Variants in GALNT18 observed in about 807,000 individuals in gnomAD.
GALNT18 encodes the protein GalNAc-transferase 18.
A neutral mutation model predicts 69.5 loss-of-function variants in GALNT18; 44 were observed. The ratio of observed to expected loss-of-function variants is 0.63; its 90% CI spans 0.50 to 0.81. The LOEUF (loss-of-function observed/expected upper bound fraction) is 0.81, where lower values mean the gene tolerates loss of function less well. GALNT18 is among the 40% of genes least tolerant of loss of function. The pLI, the probability that GALNT18 is intolerant of heterozygous loss-of-function variation, is 0.00. For synonymous variants in GALNT18, 364 were observed against 318.2 expected (o/e 1.14, Z -1.53); for missense variants, 715 against 810.0 (o/e 0.88, Z 1.42).
rs1282390009 is a variant in GALNT18, at chr11:11,540,125, G to C, written c.235+81234C>G. Among the ~76,000 whole-genome samples the C allele has an allele frequency of 1.3e-5, 2 of 152,148 alleles. No homozygotes were observed. The highest frequency in any genetic ancestry group is 4.8e-5 in the African/African-American group (2 of 41,432). ...TCGGTTTCTTTTTCTAAAAACTTAA[G>C]GCATTGGACTGGATTATTCTAAACA... On this transcript the variant is annotated intron_variant, in intron 1 of 10. Transcript: ENST00000227756. The surrounding 1 kb of genome is among the most constrained non-coding windows in gnomAD (Gnocchi z 4.6).
intron 10 of GALNT18, among the ~76,000 whole-genome samples, chr11:11,288,519 A>T (rs1273895250): frequency 6.6e-6 from 1 of 152,174 alleles, no homozygotes; most frequent in Admixed American, 6.5e-5. Context: ...TTGTGTTTAC[A>T]TGCCCATGAG....
chr11:11,398,274 A>G (rs1188747578), intron 3 of GALNT18, among the ~76,000 whole-genome samples: 1 of 152,166 alleles, frequency 6.6e-6, no homozygotes, highest in Non-Finnish European at 1.5e-5. Context: ...TCCTAGGATA[A>G]ACCCATGCTC....
intron 1 of GALNT18, among the ~76,000 whole-genome samples, chr11:11,526,896 C>G (rs939986770): frequency 6.6e-6 from 1 of 152,258 alleles, no homozygotes; most frequent in Admixed American, 6.5e-5. Context: ...GCAATCCAGT[C>G]GAGTCCACGC....
At chr11:11,556,916 C>T (rs933658223) in intron 1 of GALNT18, among the ~76,000 whole-genome samples, 1 of 152,252 alleles carries the variant, frequency 6.6e-6, no homozygotes, top group East Asian at 1.9e-4. Context: ...CTATCTTCAA[C>T]AAATAAATGT....
In GALNT18 at chr11:11,542,603, T is replaced by C. The variant is rs1419345552; in HGVS notation, c.235+78756A>G. 1.3e-5 allele frequency among the ~76,000 whole-genome samples: 2 copies of C among 152,228 alleles called. No homozygotes were observed. Among genetic ancestry groups the C allele is most frequent in the Admixed American group, 6.5e-5 (1 of 15,280 alleles). ...GGAACTAGGTGTCAAAAAGAGAATG[T>C]AGAGTAAAGAGGTCAAGAACATTGA... is the stretch of plus-strand genomic sequence containing the variant. On this transcript the variant is annotated intron_variant, in intron 1 of 10. Transcript: ENST00000227756. This position sits in a 1 kb window ranked among gnomAD's most constrained non-coding sequence, Gnocchi z 4.3.
intron 6 of GALNT18, among the ~76,000 whole-genome samples, chr11:11,350,215 G>C (rs1850374592): frequency 1.3e-5 from 2 of 152,162 alleles, no homozygotes; most frequent in African/African-American, 4.8e-5. Flanking sequence ...AAGTTAGAGG[G>C]GCAACAGTAA....
At chr11:11,516,070 G>A (rs1476331584) in intron 1 of GALNT18, among the ~76,000 whole-genome samples, 1 of 152,218 alleles carries the variant, frequency 6.6e-6, no homozygotes, top group Non-Finnish European at 1.5e-5. Context: ...GAGTGTGACA[G>A]GGACAGCAGT....
rs770219226 is a variant in GALNT18, at chr11:11,538,400, C to CGG, written c.235+82957_235+82958dup. Among the ~76,000 whole-genome samples, 8 of 152,168 alleles carry CGG rather than the reference C, an allele frequency of 5.3e-5. No individual in the cohort carries two copies. Among genetic ancestry groups the CGG allele is most frequent in the Non-Finnish European group, 8.8e-5 (6 of 68,038 alleles). On this transcript the variant is annotated intron_variant, in intron 1 of 10. Transcript: ENST00000227756. The surrounding 1 kb of genome is among the most constrained non-coding windows in gnomAD (Gnocchi z 5.2). ...GCATGTTCATTTCAGCTGAGCCACC[C>CGG]GGGGTGTCTGTCCCCAGACGTGGAC...
At chr11:11,471,171 C>T (rs1165236495) in intron 1 of GALNT18, among the ~76,000 whole-genome samples, 1 of 152,178 alleles carries the variant, frequency 6.6e-6, no homozygotes, top group Non-Finnish European at 1.5e-5. Context: ...TGGCTTCCGC[C>T]TGTCCATCCG....
chr11:11,586,169 G>C lies in GALNT18; in HGVS notation c.235+35190C>G, dbSNP rs531572858. Among the ~76,000 whole-genome samples the C allele has an allele frequency of 6.6e-6, 1 of 152,224 alleles. No individual in the cohort carries two copies. The highest frequency in any genetic ancestry group is 1.5e-5 in the Non-Finnish European group (1 of 68,014). On this transcript the variant is annotated intron_variant, in intron 1 of 10. Transcript: ENST00000227756. This position sits in a 1 kb window ranked among gnomAD's most constrained non-coding sequence, Gnocchi z 4.1. Reference sequence around the variant, plus strand: ...TATTGTTTATAAGCCATGCCATCTAGGGTATTTTATTATAGCAGTCTGAAT... The same window carrying C: ...TATTGTTTATAAGCCATGCCATCTACGGTATTTTATTATAGCAGTCTGAAT...
chr11:11,272,026 C>G (rs1034445056), intron 10 of GALNT18, among the ~76,000 whole-genome samples: 1 of 151,712 alleles, frequency 6.6e-6, no homozygotes, highest in Middle Eastern at 3.2e-3. Context: ...CTGAGCATCT[C>G]TGAGTTACCA....
Position 11,315,038 on chromosome 11 carries a change from ATGTG to A in GALNT18, c.1512+12044_1512+12047del, listed in dbSNP as rs10537962. On this transcript the variant is annotated intron_variant, in intron 9 of 10. Transcript: ENST00000227756. This position sits in a 1 kb window ranked among gnomAD's most constrained non-coding sequence, Gnocchi z 5.6. Reference sequence around the variant, plus strand: ...GCAGAGATGGACACATACTAATTATATGTGTGTGTGTGTGTGTGTGTGTGTATGT... The same window carrying A: ...GCAGAGATGGACACATACTAATTATATGTGTGTGTGTGTGTGTGTGTATGT... Among the ~76,000 whole-genome samples, 327 of 150,146 alleles carry A rather than the reference ATGTG, an allele frequency of 2.2e-3. 1 individual carries two copies. Among genetic ancestry groups the A allele is most frequent in the Middle Eastern group, 0.014 (4 of 290 alleles).
At chr11:11,329,910 T>C (rs1482286538) in intron 8 of GALNT18, among the ~76,000 whole-genome samples, 1 of 151,872 alleles carries the variant, frequency 6.6e-6, no homozygotes, top group African/African-American at 2.4e-5. Flanking sequence ...CCCTATGAAA[T>C]GGCATTACTG....
At position 11,470,590 on chromosome 11, in the gene GALNT18, GTA is replaced by G. The variant is rs1320141653; in HGVS notation, c.236-21656_236-21655del. Among the ~76,000 whole-genome samples, 3 of 152,138 alleles carry G rather than the reference GTA, an allele frequency of 2.0e-5. No homozygotes were observed. Among genetic ancestry groups the G allele is most frequent in the Admixed American group, 6.5e-5 (1 of 15,276 alleles). Reference sequence around the variant, plus strand: ...CTAGCTAATTTTGATCTTTTGATCTGTATATGATTCCTGTCTACTACTAAGCT... The same window carrying G: ...CTAGCTAATTTTGATCTTTTGATCTGTATGATTCCTGTCTACTACTAAGCT... On this transcript the variant is annotated intron_variant, in intron 1 of 10. Transcript: ENST00000227756. This position sits in a 1 kb window ranked among gnomAD's most constrained non-coding sequence, Gnocchi z 4.8.
Position 11,621,721 on chromosome 11 carries a change from T to C in GALNT18, c.-128A>G, listed in dbSNP as rs11537876. 2 of 678,622 alleles carry C rather than the reference T, an allele frequency of 2.9e-6. No individual in the cohort carries two copies. The highest frequency in any genetic ancestry group is 1.9e-5 in the South Asian group (1 of 52,234). 42.0% of individuals were successfully genotyped at this position (678,622 alleles called of 1,614,324 possible). ...CACCTCAGCACCTGAGTCCCGAGGT[T>C]CTCCAAAGCCCGGTCCGCTGCCGGT... On this transcript the variant is annotated 5_prime_UTR_variant, in exon 1 of 11. Transcript: ENST00000227756. The surrounding 1 kb of genome is among the most constrained non-coding windows in gnomAD (Gnocchi z 9.3).
chr11:11,538,279 C>T lies in GALNT18; in HGVS notation c.235+83080G>A, dbSNP rs1303796205. On this transcript the variant is annotated intron_variant, in intron 1 of 10. Transcript: ENST00000227756. The surrounding 1 kb of genome is among the most constrained non-coding windows in gnomAD (Gnocchi z 5.2). ...GAACAGCCCGCCCTGCCACCACCATCCCCAGGGCTATGATGGGGCTGGGAA... is the reference window on the plus strand; with the variant it reads ...GAACAGCCCGCCCTGCCACCACCATTCCCAGGGCTATGATGGGGCTGGGAA... Among the ~76,000 whole-genome samples the T allele has an allele frequency of 6.6e-6, 1 of 152,226 alleles. No homozygotes were observed.
Position 11,314,600 on chromosome 11 carries a change from A to C in GALNT18, c.1512+12486T>G, listed in dbSNP as rs1849720320. Among the ~76,000 whole-genome samples the C allele has an allele frequency of 6.6e-6, 1 of 152,174 alleles. No homozygotes were observed. The highest frequency in any genetic ancestry group is 1.5e-5 in the Non-Finnish European group (1 of 68,026). On this transcript the variant is annotated intron_variant, in intron 9 of 10. Coordinates refer to ENST00000227756, the MANE Select transcript of GALNT18 (RefSeq NM_198516.3). This position sits in a 1 kb window ranked among gnomAD's most constrained non-coding sequence, Gnocchi z 5.2. ...AACTACCAAAAGAGAAATGGAAATA[A>C]GGTTCTTTCTAAAAGCAGGGTGGGA...
intron 9 of GALNT18, among the ~76,000 whole-genome samples, chr11:11,323,993 C>T (rs1590037561): frequency 6.6e-6 from 1 of 152,268 alleles, no homozygotes; most frequent in African/African-American, 2.4e-5. Context: ...CAGCCCTGAC[C>T]TGATAGGATT....
At chr11:11,445,186 G>A (rs1855622397) in intron 2 of GALNT18, among the ~76,000 whole-genome samples, 1 of 152,198 alleles carries the variant, frequency 6.6e-6, no homozygotes, top group African/African-American at 2.4e-5. Context: ...GAGGACAGTG[G>A]TTACATGCAC....
Sources: gnomAD v4.1 joint callset for allele counts (sites outside exome capture counted in the v4.1 genomes callset) on GRCh38, gnomAD v4.1.1 for gene constraint, Gnocchi (gnomAD v3.1) non-coding constraint, MANE v1.5 for transcripts, NCBI Gene and HGNC (gene_info 2026-07-23, HGNC 2026-07-21) for gene names.